ACACB: variants seen among roughly 807,000 people sequenced by gnomAD.
ACACB encodes the protein acetyl-CoA carboxylase beta.
ACACB carries 209 observed loss-of-function variants against 278.8 expected under a neutral mutation model. The observed-to-expected ratio is 0.75, with a 90% CI of 0.67 to 0.84. The LOEUF is 0.84. Among genes scored for constraint, ACACB ranks in the 40% least tolerant of loss-of-function variants. The probability of loss-of-function intolerance (pLI) is 0.00; values close to 1 mark genes in which losing one functional copy is unlikely to be tolerated. For missense variants in ACACB, 2,850 were observed against 3,269.0 expected, an observed-to-expected ratio of 0.87 and a Z score of 3.13; for synonymous variants, 1,174 against 1,285.6, an observed-to-expected ratio of 0.91 and a Z score of 1.86.
chr12:109,237,355 T>C lies in ACACB; in HGVS notation c.4637T>C (p.Ile1546Thr). The C allele has an allele frequency of 1.2e-6, 2 of 1,614,144 alleles. No individual in the cohort carries two copies. The highest frequency in any genetic ancestry group is 1.7e-6 in the Non-Finnish European group (2 of 1,180,022). The change falls in exon 34 of 53, where the codon ATC (isoleucine) becomes ACC (threonine). Residue 1546 changes from isoleucine to threonine, a missense_variant. By Grantham distance (89) the Ile-to-Thr change is moderately conservative. Transcript: ENST00000338432. ...TDHRFFIRAI[I>T]RHSDLITKEA... ...CATAGGTTCTTCATCCGCGCCATCATCAGGCACTCTGACCTGATCACAAAG... is the reference window on the plus strand; with the variant it reads ...CATAGGTTCTTCATCCGCGCCATCACCAGGCACTCTGACCTGATCACAAAG...
At chr12:109,127,471 C>G (rs551236220) in intron 1 of ACACB, among the ~76,000 whole-genome samples, 1 of 151,374 alleles carries the variant, frequency 6.6e-6, no homozygotes, top group South Asian at 2.1e-4. Flanking sequence ...TGGTGGCACA[C>G]GCCTGTAGTC....
chr12:109,225,424 G>A (rs779628502), intron 27 of ACACB, among the ~76,000 whole-genome samples: 11 of 152,170 alleles, frequency 7.2e-5, no homozygotes, highest in Admixed American at 1.3e-4. Flanking sequence ...GTAGAGATGG[G>A]GTTTTGCCAT....
intron 47 of ACACB, among the ~76,000 whole-genome samples, chr12:109,259,583 CA>C (rs555119482): frequency 7.0e-6 from 1 of 142,278 alleles, no homozygotes; most frequent in African/African-American, 2.8e-5. Context: ...AACAAAAAAA[CA>C]AAAAAAAAAC....
Position 109,222,624 on chromosome 12 carries a change from G to A in ACACB, c.3678+4G>A, listed in dbSNP as rs768708403. ...AGTGGCCCTCAGAGCCCGGCAGGTA[G>A]GGTCTCAGGGTGCGGTCCCCACGAT... On this transcript the variant is annotated splice_donor_region_variant and intron_variant, in intron 25 of 52. Transcript: ENST00000338432. The A allele has an allele frequency of 1.9e-6, 3 of 1,612,916 alleles. No homozygotes were observed. The highest frequency in any genetic ancestry group is 1.3e-5 in the African/African-American group (1 of 74,996).
At chr12:109,116,224 C>T (rs2042401447), upstream of ACACB, among the ~76,000 whole-genome samples, 1 of 152,186 alleles carries the variant, frequency 6.6e-6, no homozygotes, top group Admixed American at 6.5e-5. Flanking sequence ...GACCTGATAG[C>T]GATCACCTTC....
In ACACB at chr12:109,264,259, G is replaced by A. The variant is rs746633480; in HGVS notation, c.6815G>A (p.Arg2272Gln). The A allele has an allele frequency of 8.7e-6, 14 of 1,613,970 alleles. No homozygotes were observed. Among genetic ancestry groups the A allele is most frequent in the African/African-American group, 6.7e-5 (5 of 74,864 alleles). The stretch of plus-strand genomic sequence containing the variant: ...GAACCTGATCTCTCCGACAAGGACC[G>A]AAAGGACCTGGAGGGCCGGCTAAAG... Reference protein sequence around the residue: ...LGEPDLSDKDRKDLEGRLKAR... With the variant: ...LGEPDLSDKDQKDLEGRLKAR... Residue 2272 changes from arginine to glutamine, a missense_variant, in exon 50 of 53, where the codon CGA (arginine) becomes CAA (glutamine). Coordinates refer to ENST00000338432, the MANE Select transcript of ACACB (RefSeq NM_001093.4).
At chr12:109,132,400 G>T (rs2042851339) in intron 1 of ACACB, among the ~76,000 whole-genome samples, 1 of 152,154 alleles carries the variant, frequency 6.6e-6, no homozygotes, top group African/African-American at 2.4e-5. Flanking sequence ...TCTGACTTCA[G>T]GTGATCCACC....
chr12:109,264,249 G>A lies in ACACB; in HGVS notation c.6805G>A (p.Asp2269Asn), dbSNP rs764352111. 35 of 1,613,866 alleles carry A rather than the reference G, an allele frequency of 2.2e-5. No homozygotes were observed. Among genetic ancestry groups the A allele is most frequent in the South Asian group, 1.2e-4 (11 of 91,082 alleles). Reference sequence around the variant, plus strand: ...ACCTGCAGGGGAACCTGATCTCTCCGACAAGGACCGAAAGGACCTGGAGGG... The same window carrying A: ...ACCTGCAGGGGAACCTGATCTCTCCAACAAGGACCGAAAGGACCTGGAGGG... ...MEQLGEPDLSDKDRKDLEGRL... is the reference protein window; with the variant it reads ...MEQLGEPDLSNKDRKDLEGRL... The change falls in exon 50 of 53, where the codon GAC (aspartate) becomes AAC (asparagine). Residue 2269 changes from aspartate (D) to asparagine (N), a missense_variant. Asp to Asn is a conservative substitution (Grantham distance 23). This residue lies in a region of ACACB where 579 missense variants were observed against 684.6 expected (regional missense o/e 0.85). Transcript: ENST00000338432.
At chr12:109,196,939 A>G in intron 16 of ACACB, 69 bp from the exon 17 acceptor site, 1 of 1,450,376 alleles carries the variant, frequency 6.9e-7, no homozygotes, top group Non-Finnish European at 9.0e-7. Flanking sequence ...GTTTGTTGTT[A>G]GCGGGGCCCA....
chr12:109,233,665 TC>T (rs1232223394), intron 29 of ACACB, 82 bp from the exon 30 acceptor site: 27 of 1,185,326 alleles, frequency 2.3e-5, no homozygotes, highest in Non-Finnish European at 3.3e-5. Flanking sequence ...GGTCTGGCGT[TC>T]CCTGCTGCCT....
intron 52 of ACACB, among the ~76,000 whole-genome samples, chr12:109,265,853 T>C (rs1490666717): frequency 6.6e-6 from 1 of 152,264 alleles, no homozygotes; most frequent in Non-Finnish European, 1.5e-5. Flanking sequence ...TTGGAACCGC[T>C]AGCCTTCAGG....
At chr12:109,162,901 C>A (rs2136135504) in intron 2 of ACACB, among the ~76,000 whole-genome samples, 1 of 152,186 alleles carries the variant, frequency 6.6e-6, no homozygotes, top group African/African-American at 2.4e-5. Flanking sequence ...CCAAGGCTTC[C>A]CTGACATTTG....
intron 11 of ACACB, among the ~76,000 whole-genome samples, chr12:109,184,372 C>T (rs1005558787): frequency 6.6e-6 from 1 of 152,114 alleles, no homozygotes; most frequent in African/African-American, 2.4e-5. Flanking sequence ...ATCTTTTGAG[C>T]AATGGTTTGA....
chr12:109,218,309 C>T (rs1370456712), intron 24 of ACACB, among the ~76,000 whole-genome samples: 2 of 151,848 alleles, frequency 1.3e-5, no homozygotes, highest in Non-Finnish European at 2.9e-5. Flanking sequence ...TTAAGCCATC[C>T]TCCCACCTCA....
chr12:109,252,201 G>A, intron 42 of ACACB, 45 bp downstream of exon 42: 6 of 1,389,788 alleles, frequency 4.3e-6, no homozygotes, highest in Middle Eastern at 3.6e-4. Flanking sequence ...TGGGGGCCAG[G>A]AGTCATTTTA....
rs2044723209 is a variant in ACACB, at chr12:109,188,009, CG to C, written c.1992del (p.Ser665AlafsTer8). 6.3e-7 allele frequency: 1 copy of C among 1,595,900 alleles called. No individual in the cohort carries two copies. Among genetic ancestry groups the C allele is most frequent in the African/African-American group, 1.3e-5 (1 of 74,690 alleles). ...TSENPDEGFKPSSGTVQELNF... is the reference protein window; with the variant it reads ...TSENPDEGFKXSSGTVQELNF... The stretch of plus-strand genomic sequence containing the variant: ...CTGTCCGGACTCCAGGGTTTTAAGC[CG>C]AGCTCCGGGACTGTCCAGGAACTGA... On this transcript the variant is annotated frameshift_variant, in exon 13 of 53. Transcript: ENST00000338432. LOFTEE classifies it high-confidence loss of function.
chr12:109,130,896 G>A (rs142545612), intron 1 of ACACB, among the ~76,000 whole-genome samples: 90 of 152,292 alleles, frequency 5.9e-4, no homozygotes, highest in Admixed American at 9.2e-4. Flanking sequence ...AACACAAGTT[G>A]TGCTGAGTCT....
chr12:109,253,258 G>A (rs573332790), intron 43 of ACACB, 100 bp downstream of exon 43: 2 of 1,304,138 alleles, frequency 1.5e-6, no homozygotes, highest in Non-Finnish European at 2.1e-6. Context: ...GGAGGCTGAG[G>A]AGCAGGAAGC....
At chr12:109,229,984 T>C (rs2046421877) in intron 28 of ACACB, among the ~76,000 whole-genome samples, 1 of 152,172 alleles carries the variant, frequency 6.6e-6, no homozygotes, top group Admixed American at 6.5e-5. Context: ...CGAAGTGTTC[T>C]CTCTCACGCT....
Sources: allele counts gnomAD v4.1 joint callset (sites outside exome capture counted in the v4.1 genomes callset), GRCh38; gene constraint gnomAD v4.1.1; regional missense constraint gnomAD v4.1.1; transcripts MANE v1.5; gene names NCBI Gene and HGNC (gene_info 2026-07-23, HGNC 2026-07-21).